NAALADL2: variants seen among roughly 807,000 people sequenced by gnomAD.
NAALADL2 encodes inactive N-acetylated-alpha-linked acidic dipeptidase-like protein 2.
NAALADL2 carries 76 observed loss-of-function variants against 87.2 expected under a neutral mutation model. The ratio of observed to expected loss-of-function variants is 0.87; its 90% CI spans 0.72 to 1.05. The LOEUF is 1.05. NAALADL2 is among the 50% of genes least tolerant of loss of function. The probability of loss-of-function intolerance (pLI) is 0.00; values close to 1 mark genes in which losing one functional copy is unlikely to be tolerated. For missense variants in NAALADL2, 1,089 were observed against 945.8 expected (o/e 1.15, Z -1.99); for synonymous variants, 354 against 331.0 (o/e 1.07, Z -0.75).
chr3:174,499,852 TAG>T (rs1346695731), intron 1 of NAALADL2, among the ~76,000 whole-genome samples: 4 of 152,156 alleles, frequency 2.6e-5, no homozygotes, highest in Non-Finnish European at 5.9e-5. Context: ...TTTAATCAGG[TAG>T]AGTTAGCCCA....
chr3:174,508,134 G>C (rs1719344255), intron 1 of NAALADL2, among the ~76,000 whole-genome samples: 1 of 28,456 alleles, frequency 3.5e-5, no homozygotes, highest in African/African-American at 1.3e-4. Context: ...TTTTTTTTGA[G>C]ACGAAGTCTT....
chr3:175,616,376 C>G (rs1193758965), intron 10 of NAALADL2, among the ~76,000 whole-genome samples: 4 of 151,210 alleles, frequency 2.6e-5, no homozygotes, highest in East Asian at 1.9e-4. Context: ...CAGTAGTACT[C>G]ACGTTTAAAA....
chr3:175,360,278 G>A (rs545475768), intron 5 of NAALADL2, among the ~76,000 whole-genome samples: 43 of 152,016 alleles, frequency 2.8e-4, no homozygotes, highest in Non-Finnish European at 5.7e-4. Context: ...AGTTTTCAAG[G>A]TATCTTTCAT....
chr3:174,753,058 T>C (rs146613868), intron 3 of NAALADL2, among the ~76,000 whole-genome samples: 2,099 of 152,330 alleles, frequency 0.014, 12 homozygotes, highest in Middle Eastern at 0.02. Flanking sequence ...GTATCTCTAA[T>C]AATTTGCTAA....
intron 2 of NAALADL2, among the ~76,000 whole-genome samples, chr3:174,582,549 T>A (rs1395884574): frequency 6.6e-6 from 1 of 152,204 alleles, no homozygotes; most frequent in East Asian, 1.9e-4. Context: ...ATCTTTAATT[T>A]ATATGACAGA....
intron 1 of NAALADL2, among the ~76,000 whole-genome samples, chr3:174,948,383 G>A (rs570761535): frequency 3.3e-5 from 5 of 152,090 alleles, no homozygotes; most frequent in African/African-American, 1.2e-4. Flanking sequence ...CACCATGTTG[G>A]CCAGGCTGGT....
At chr3:175,791,437 A>C (rs748187688) in intron 13 of NAALADL2, among the ~76,000 whole-genome samples, 2 of 152,168 alleles carry the variant, frequency 1.3e-5, no homozygotes, top group Non-Finnish European at 2.9e-5. Flanking sequence ...AAGCTTAGCT[A>C]ATTGGATGAC....
intron 2 of NAALADL2, among the ~76,000 whole-genome samples, chr3:175,147,943 G>A (rs1249758899): frequency 6.6e-6 from 1 of 151,734 alleles, no homozygotes; most frequent in African/African-American, 2.4e-5. Flanking sequence ...AGTGATGGAC[G>A]CCTGTAATCC....
At chr3:174,991,848 A>T (rs1746793847) in intron 1 of NAALADL2, among the ~76,000 whole-genome samples, 1 of 152,134 alleles carries the variant, frequency 6.6e-6, no homozygotes, top group South Asian at 2.1e-4. Flanking sequence ...GACTGAATGA[A>T]ACTTTTAGGA....
chr3:174,970,500 T>A (rs1366266231), intron 1 of NAALADL2, among the ~76,000 whole-genome samples: 1 of 152,154 alleles, frequency 6.6e-6, no homozygotes, highest in African/African-American at 2.4e-5. Flanking sequence ...TAATTAGAAG[T>A]AGATTTACTG....
chr3:175,582,619 C>G (rs9869802), intron 10 of NAALADL2, among the ~76,000 whole-genome samples: 18,121 of 152,180 alleles, frequency 0.12, 2,745 homozygotes, highest in African/African-American at 0.36. Flanking sequence ...ATTTTATTAA[C>G]TGTTAACAGA....
intron 11 of NAALADL2, among the ~76,000 whole-genome samples, chr3:175,715,490 G>C (rs1231932078): frequency 1.3e-5 from 2 of 152,046 alleles, no homozygotes. Context: ...GTTATTATTA[G>C]ATGTCTTTAT....
intron 1 of NAALADL2, among the ~76,000 whole-genome samples, chr3:174,471,044 T>A (rs1001575503): frequency 6.6e-6 from 1 of 152,060 alleles, no homozygotes; most frequent in Non-Finnish European, 1.5e-5. Context: ...AAAGGGCAGG[T>A]ATATTTTAAA....
At chr3:175,061,169 A>G (rs1033376831) in intron 1 of NAALADL2, among the ~76,000 whole-genome samples, 1 of 152,226 alleles carries the variant, frequency 6.6e-6, no homozygotes, top group African/African-American at 2.4e-5. Flanking sequence ...TTAAGAAAAG[A>G]GTAGAAGAGG....
At chr3:174,881,108 T>G (rs1729135667) in intron 1 of NAALADL2, among the ~76,000 whole-genome samples, 1 of 152,168 alleles carries the variant, frequency 6.6e-6, no homozygotes, top group Admixed American at 6.6e-5. Flanking sequence ...CCTTTATTAC[T>G]TCTGTAAAGA....
At chr3:175,348,864 A>G (rs1306980345) in intron 5 of NAALADL2, among the ~76,000 whole-genome samples, 1 of 152,164 alleles carries the variant, frequency 6.6e-6, no homozygotes, top group African/African-American at 2.4e-5. Context: ...TATAACGTGT[A>G]TCTATTTTTA....
At chr3:175,584,730 A>G (rs1159107390) in intron 10 of NAALADL2, among the ~76,000 whole-genome samples, 2 of 152,230 alleles carry the variant, frequency 1.3e-5, no homozygotes, top group East Asian at 3.9e-4. Context: ...CAATTATAAT[A>G]CAATGGTATT....
chr3:174,462,915 TTGTCAGAGTTC>T (rs1219105278), intron 1 of NAALADL2, among the ~76,000 whole-genome samples: 1 of 152,230 alleles, frequency 6.6e-6, no homozygotes, highest in Non-Finnish European at 1.5e-5. Flanking sequence ...CTTTGCTTCA[TTGTCAGAGTTC>T]TGTCATATCA....
chr3:174,526,383 CT>C (rs1720748978), intron 1 of NAALADL2, among the ~76,000 whole-genome samples: 1 of 152,132 alleles, frequency 6.6e-6, no homozygotes, highest in East Asian at 1.9e-4. Flanking sequence ...GCTTTACAAC[CT>C]CTTTATAGCC....
Sources: gnomAD v4.1 joint callset for allele counts (sites outside exome capture counted in the v4.1 genomes callset) on GRCh38, gnomAD v4.1.1 for gene constraint, MANE v1.5 for transcripts, NCBI Gene and HGNC (gene_info 2026-07-23, HGNC 2026-07-21) for gene names.